MIPOL1: variants seen among roughly 807,000 people sequenced by gnomAD.
The protein encoded by MIPOL1 is mirror-image polydactyly 1, also known as mirror-image polydactyly gene 1 protein.
MIPOL1 carries 57 observed loss-of-function variants against 60.9 expected under a neutral mutation model. That is an observed-to-expected ratio of 0.94 (90% confidence interval 0.76 to 1.17). The LOEUF (loss-of-function observed/expected upper bound fraction) is 1.17. Among genes scored for constraint, MIPOL1 ranks in the 50% most tolerant of loss-of-function variants. The pLI is 0.00. For synonymous variants in MIPOL1, 179 were observed against 168.8 expected (o/e 1.06, Z -0.47); for missense variants, 551 against 511.6 (o/e 1.08, Z -0.74).
chr14:37,383,005 G>T (rs1488412729), intron 10 of MIPOL1, among the ~76,000 whole-genome samples: 1 of 151,166 alleles, frequency 6.6e-6, no homozygotes, highest in African/African-American at 2.4e-5. Flanking sequence ...TCACAGTCTT[G>T]AAAAAAATTT....
In MIPOL1 at chr14:37,216,070, A is replaced by G. The variant is rs557891567; in HGVS notation, c.-199+17966A>G. The stretch of plus-strand genomic sequence containing the variant: ...AGAGCAAACCTCCATCTCAAAAAAA[A>G]AAAAAAAAAGAAAGAAAAGAAAGGG... On this transcript the variant is annotated intron_variant, in intron 1 of 12. Coordinates refer to ENST00000684589, the MANE Select transcript of MIPOL1 (RefSeq NM_001388067.1). Among the ~76,000 whole-genome samples, 63 of 150,638 alleles carry G rather than the reference A, an allele frequency of 4.2e-4. 1 individual carries two copies. The East Asian group carries it at 0.012, about 28-fold the overall frequency.
chr14:37,397,648 C>T (rs1045002435), intron 10 of MIPOL1, among the ~76,000 whole-genome samples: 3 of 152,060 alleles, frequency 2.0e-5, no homozygotes, highest in Non-Finnish European at 2.9e-5. Flanking sequence ...AGCTCAGACT[C>T]TCCTTGGGTA....
At chr14:37,280,098 T>C (rs1388177634) in intron 6 of MIPOL1, among the ~76,000 whole-genome samples, 1 of 152,196 alleles carries the variant, frequency 6.6e-6, no homozygotes, top group Non-Finnish European at 1.5e-5. Context: ...TTTATCCACG[T>C]TGTTGCAAAT....
intron 9 of MIPOL1, among the ~76,000 whole-genome samples, chr14:37,345,015 CAA>C (rs11303363): frequency 2.7e-3 from 349 of 128,644 alleles, no homozygotes; most frequent in Middle Eastern, 0.012. Flanking sequence ...AGACTCTTAT[CAA>C]AAAAAAAAAA....
At chr14:37,266,814 G>A in intron 3 of MIPOL1, 124 bp from the exon 4 acceptor site, 1 of 696,800 alleles carries the variant, frequency 1.4e-6, no homozygotes, top group Non-Finnish European at 2.4e-6. Flanking sequence ...TACAGTAGGA[G>A]TAAGACTAGA....
At chr14:37,401,541 A>G (rs1461501711) in intron 10 of MIPOL1, 6 of 152,098 alleles carry the variant, frequency 3.9e-5, no homozygotes, top group Non-Finnish European at 4.4e-5. Flanking sequence ...TTGGAAAACA[A>G]GACAGTGCAA....
chr14:37,474,878 T>C (rs2094745749), intron 11 of MIPOL1, among the ~76,000 whole-genome samples: 1 of 152,222 alleles, frequency 6.6e-6, no homozygotes, highest in African/African-American at 2.4e-5. Flanking sequence ...TCTGATGACA[T>C]GTTGAGCCTC....
chr14:37,355,855 T>C (rs1330800427), intron 9 of MIPOL1, among the ~76,000 whole-genome samples: 1 of 149,924 alleles, frequency 6.7e-6, no homozygotes, highest in Non-Finnish European at 1.5e-5. Flanking sequence ...GGTTTGAATG[T>C]CCTCCTGTAG....
chr14:37,237,189 C>T (rs1212809762), intron 1 of MIPOL1, among the ~76,000 whole-genome samples: 1 of 152,210 alleles, frequency 6.6e-6, no homozygotes, highest in East Asian at 1.9e-4. Flanking sequence ...CTTTTCCTAC[C>T]TGAGTTCTGA....
chr14:37,361,048 C>G lies in MIPOL1; in HGVS notation c.829-8469C>G, dbSNP rs552183618. On this transcript the variant is annotated intron_variant, in intron 9 of 12. Coordinates refer to ENST00000684589, the MANE Select transcript of MIPOL1 (RefSeq NM_001388067.1). Reference sequence around the variant, plus strand: ...TGTTCTCACTGGTTTCAAAGAACATCTTTGTTTCTGCCTTCATTTCATTAT... The same window carrying G: ...TGTTCTCACTGGTTTCAAAGAACATGTTTGTTTCTGCCTTCATTTCATTAT... 9.2e-5 allele frequency among the ~76,000 whole-genome samples: 14 copies of G among 152,212 alleles called. No homozygotes were observed. In the South Asian group the frequency reaches 2.9e-3, roughly 32 times the overall value.
chr14:37,232,483 A>G (rs1453312285), intron 1 of MIPOL1, among the ~76,000 whole-genome samples: 1 of 152,188 alleles, frequency 6.6e-6, no homozygotes, highest in Non-Finnish European at 1.5e-5. Context: ...CCAGGACTTG[A>G]GCCATCCAAT....
chr14:37,359,010 A>G (rs113845805), intron 9 of MIPOL1, among the ~76,000 whole-genome samples: 1,873 of 152,216 alleles, frequency 0.012, 14 homozygotes, highest in Middle Eastern at 0.031. Context: ...TAATTTCTGT[A>G]TAAGGTATAA....
At chr14:37,473,570 C>T (rs2094721576) in intron 11 of MIPOL1, among the ~76,000 whole-genome samples, 1 of 152,004 alleles carries the variant, frequency 6.6e-6, no homozygotes, top group Non-Finnish European at 1.5e-5. Flanking sequence ...GCAGGGAATT[C>T]AATTAATAGA....
chr14:37,300,081 G>T (rs897286730), intron 7 of MIPOL1, among the ~76,000 whole-genome samples: 6 of 151,670 alleles, frequency 4.0e-5, no homozygotes, highest in Non-Finnish European at 7.4e-5. Flanking sequence ...TTCCTAATAG[G>T]ATTTACTATC....
chr14:37,363,723 A>G (rs758522378), intron 9 of MIPOL1, among the ~76,000 whole-genome samples: 2 of 152,210 alleles, frequency 1.3e-5, no homozygotes, highest in Non-Finnish European at 1.5e-5. Flanking sequence ...TTGTTCAACT[A>G]TGCCCTGCCC....
At position 37,206,633 on chromosome 14, in the gene MIPOL1, A is replaced by T. The variant is rs370532017; in HGVS notation, c.-199+8529A>T. On this transcript the variant is annotated intron_variant, in intron 1 of 12. Transcript: ENST00000684589. ...TGCACCATGCTCCTGGAAAAGCCTC[A>T]GACACTCAACACTGATACGTGAAAG... Among the ~76,000 whole-genome samples, 11 of 152,236 alleles carry T rather than the reference A, an allele frequency of 7.2e-5. No homozygotes were observed. In the South Asian group the frequency reaches 2.3e-3, roughly 31 times the overall value.
At chr14:37,219,580 C>G (rs1323325642) in intron 1 of MIPOL1, 2 of 152,182 alleles carry the variant, frequency 1.3e-5, no homozygotes, top group Non-Finnish European at 2.9e-5. Flanking sequence ...ATTGCCCAGA[C>G]TGGTCTCGAA....
chr14:37,508,464 A>G (rs910308257), intron 12 of MIPOL1, among the ~76,000 whole-genome samples: 1 of 152,146 alleles, frequency 6.6e-6, no homozygotes, highest in Non-Finnish European at 1.5e-5. Context: ...ATTTTAAACG[A>G]TATTTTTATT....
chr14:37,387,688 G>A (rs1048621428), intron 10 of MIPOL1, among the ~76,000 whole-genome samples: 1 of 151,854 alleles, frequency 6.6e-6, no homozygotes, highest in Non-Finnish European at 1.5e-5. Context: ...TGTGATACAC[G>A]TATCTGTCTC....
Sources: gnomAD v4.1 joint callset for allele counts (sites outside exome capture counted in the v4.1 genomes callset) on GRCh38, gnomAD v4.1.1 for gene constraint, MANE v1.5 for transcripts, NCBI Gene and HGNC (gene_info 2026-07-23, HGNC 2026-07-21) for gene names.